The following KAZN variants were observed in gnomAD, a reference collection of about 807,000 sequenced individuals.
KAZN encodes the protein kazrin, periplakin interacting protein.
A neutral mutation model predicts 87.4 loss-of-function variants in KAZN; 40 were observed. The observed-to-expected ratio is 0.46, with a 90% CI of 0.36 to 0.60. KAZN has a LOEUF of 0.60. Among genes scored for constraint, KAZN ranks in the 20% least tolerant of loss-of-function variants. KAZN has a pLI of 0.00. For synonymous variants in KAZN, 466 were observed against 458.3 expected (o/e 1.02, Z -0.22); for missense variants, 898 against 1,073.9 (o/e 0.84, Z 2.29).
intron 2 of KAZN, among the ~76,000 whole-genome samples, chr1:14,985,706 G>C (rs1200630459): frequency 6.6e-6 from 1 of 151,976 alleles, no homozygotes; most frequent in East Asian, 1.9e-4. Flanking sequence ...TCCATGTCAT[G>C]AAAGACCCAC....
intron 1 of KAZN, among the ~76,000 whole-genome samples, chr1:13,971,017 C>T (rs780866256): frequency 6.6e-6 from 1 of 152,306 alleles, no homozygotes; most frequent in South Asian, 2.1e-4. Flanking sequence ...GTGTCTGTCA[C>T]TCAGCTTGCT....
chr1:14,374,925 T>C (rs758338088), intron 2 of KAZN, among the ~76,000 whole-genome samples: 2 of 152,180 alleles, frequency 1.3e-5, no homozygotes, highest in Admixed American at 1.3e-4. Context: ...ACAAGTCCTA[T>C]TGAGCTCGTC....
intron 1 of KAZN, among the ~76,000 whole-genome samples, chr1:14,074,413 C>A (rs1473731201): frequency 6.6e-6 from 1 of 152,200 alleles, no homozygotes. Flanking sequence ...AACCAGCACC[C>A]CTTGACCATC....
At chr1:14,349,413 T>C (rs1369539458) in intron 2 of KAZN, 1 of 152,196 alleles carries the variant, frequency 6.6e-6, no homozygotes, top group Admixed American at 6.5e-5. Context: ...GTCACACATA[T>C]TATTCCACAT....
intron 1 of KAZN, among the ~76,000 whole-genome samples, chr1:13,948,436 A>T (rs183409785): frequency 6.6e-6 from 1 of 152,130 alleles, no homozygotes; most frequent in South Asian, 2.1e-4. Context: ...CTATGAAGAG[A>T]TGCCTTCTGC....
At chr1:14,498,302 C>A (rs1006035406) in intron 2 of KAZN, among the ~76,000 whole-genome samples, 2 of 152,224 alleles carry the variant, frequency 1.3e-5, no homozygotes, top group African/African-American at 4.8e-5. Flanking sequence ...CCACTGCAGA[C>A]CCTTTCTCCA....
intron 3 of KAZN, among the ~76,000 whole-genome samples, chr1:15,036,530 G>A (rs1446495054): frequency 1.3e-5 from 2 of 152,112 alleles, no homozygotes; most frequent in Non-Finnish European, 2.9e-5. Context: ...AAGGCAGAGG[G>A]AGGCAGGGGA....
At chr1:14,284,165 A>C (rs555079828) in intron 2 of KAZN, among the ~76,000 whole-genome samples, 1 of 152,194 alleles carries the variant, frequency 6.6e-6, no homozygotes, top group African/African-American at 2.4e-5. Flanking sequence ...TTTAATGCAT[A>C]AGGGGTTTCT....
At chr1:15,112,578 G>A (rs1368944968) in intron 14 of KAZN, 37 bp downstream of exon 14, 5 of 605,310 alleles carry the variant, frequency 8.3e-6, no homozygotes, top group Non-Finnish European at 1.2e-5. Flanking sequence ...GAGTCCTGCA[G>A]ACCCGGGAAA....
intron 1 of KAZN, among the ~76,000 whole-genome samples, chr1:13,899,880 G>T (rs1639182656): frequency 6.6e-6 from 1 of 152,086 alleles, no homozygotes; most frequent in Non-Finnish European, 1.5e-5. Flanking sequence ...CTGACCTCAG[G>T]TGATCTGCCT....
intron 1 of KAZN, among the ~76,000 whole-genome samples, chr1:14,636,769 G>A (rs1680020437): frequency 6.6e-6 from 1 of 152,192 alleles, no homozygotes; most frequent in Non-Finnish European, 1.5e-5. Flanking sequence ...TGAGCAAGGG[G>A]AATCTAAACA....
At chr1:14,596,523 A>T (rs189776038), upstream of KAZN, among the ~76,000 whole-genome samples, 5 of 152,304 alleles carry the variant, frequency 3.3e-5, no homozygotes, top group African/African-American at 4.8e-5. Context: ...GTGTTGTGCC[A>T]CCACCACCTC....
chr1:14,954,450 G>C (rs1662843501), intron 1 of KAZN, among the ~76,000 whole-genome samples: 1 of 152,204 alleles, frequency 6.6e-6, no homozygotes, highest in African/African-American at 2.4e-5. Flanking sequence ...GCTTTCTCCT[G>C]TCATTGGGTC....
chr1:14,108,529 C>T (rs1448890934), intron 1 of KAZN, among the ~76,000 whole-genome samples: 1 of 152,148 alleles, frequency 6.6e-6, no homozygotes, highest in African/African-American at 2.4e-5. Flanking sequence ...GATCTCCCTC[C>T]CAGGAGGCAG....
intron 2 of KAZN, among the ~76,000 whole-genome samples, chr1:15,016,215 G>A (rs973495031): frequency 9.2e-5 from 14 of 152,196 alleles, no homozygotes; most frequent in African/African-American, 3.1e-4. Flanking sequence ...GGAAGCTGGA[G>A]GAGACTTTGA....
intron 1 of KAZN, among the ~76,000 whole-genome samples, chr1:14,810,821 C>T (rs185119968): frequency 6.6e-6 from 1 of 152,268 alleles, no homozygotes; most frequent in East Asian, 1.9e-4. Flanking sequence ...AGAAAACCAG[C>T]CTCCCAGGGT....
chr1:15,094,273 G>A lies in KAZN; in HGVS notation c.1316G>A (p.Arg439Lys), dbSNP rs1258290308. ...MDRLQQVELVRTTPMSHWKAG... is the reference protein window; with the variant it reads ...MDRLQQVELVKTTPMSHWKAG... ...CGGCTGCAGCAGGTGGAGCTGGTGA[G>A]GACCACCCCTATGTCCCACTGGAAG... is the stretch of plus-strand genomic sequence containing the variant. Residue 439 changes from arginine to lysine, a missense_variant, in exon 9 of 15, where the codon AGG becomes AAG. Arg to Lys is a conservative substitution (Grantham distance 26, BLOSUM62 2). Coordinates refer to ENST00000376030, the MANE Select transcript of KAZN (RefSeq NM_201628.3). The surrounding 1 kb of genome is among the most constrained non-coding windows in gnomAD (Gnocchi z 4.5). The A allele has an allele frequency of 6.2e-7, 1 of 1,613,994 alleles. No individual in the cohort carries two copies. Among genetic ancestry groups the A allele is most frequent in the Non-Finnish European group, 8.5e-7 (1 of 1,179,898 alleles).
intron 2 of KAZN, among the ~76,000 whole-genome samples, chr1:14,452,224 G>A (rs1667316509): frequency 1.3e-5 from 2 of 152,236 alleles, no homozygotes; most frequent in South Asian, 2.1e-4. Flanking sequence ...ACAGACATGA[G>A]CTACCATGCC....
At chr1:14,755,802 G>C (rs1644547743) in intron 1 of KAZN, among the ~76,000 whole-genome samples, 1 of 152,174 alleles carries the variant, frequency 6.6e-6, no homozygotes, top group Non-Finnish European at 1.5e-5. Context: ...GAAAAGCACT[G>C]GCCAAGTGGA....
Sources: allele counts gnomAD v4.1 joint callset (sites outside exome capture counted in the v4.1 genomes callset), GRCh38; gene constraint gnomAD v4.1.1; non-coding constraint Gnocchi (gnomAD v3.1); transcripts MANE v1.5; gene names NCBI Gene and HGNC (gene_info 2026-07-23, HGNC 2026-07-21).